Variants in GAS6 observed in about 807,000 individuals in gnomAD.
GAS6 encodes the protein growth arrest-specific protein 6.
A neutral mutation model predicts 75.8 loss-of-function variants in GAS6; 41 were observed. The observed-to-expected ratio is 0.54, with a 90% CI of 0.42 to 0.70. The LOEUF is 0.70. Among genes scored for constraint, GAS6 ranks in the 30% least tolerant of loss-of-function variants. The pLI, the probability that GAS6 is intolerant of heterozygous loss-of-function variation, is 0.00. For missense variants in GAS6, 854 were observed against 940.2 expected, an observed-to-expected ratio of 0.91 and a Z score of 1.20; for synonymous variants, 432 against 412.6, an observed-to-expected ratio of 1.05 and a Z score of -0.57.
At chr13:113,827,993 C>T (rs565313700) in intron 11 of GAS6, among the ~76,000 whole-genome samples, 47 of 152,300 alleles carry the variant, frequency 3.1e-4, no homozygotes, top group African/African-American at 8.7e-4. Flanking sequence ...AGAATAATTT[C>T]GGCCGGGCGC....
In GAS6 at chr13:113,827,007, C is replaced by T. The variant is rs147049116; in HGVS notation, c.1466G>A (p.Ser489Asn). 4.5e-5 allele frequency: 73 copies of T among 1,613,056 alleles called. No homozygotes were observed. In the African/African-American group the frequency reaches 9.2e-4, roughly 20 times the overall value. The part of the protein sequence containing the change: ...FYPGSGFAFY[S>N]LDYMRTPLDV... ...GAGCCAAGACTTACTGTAGTCCAGG[C>T]TGTAGAAGGCGAAGCCGCTCCCGGG... is the stretch of plus-strand genomic sequence containing the variant. Residue 489 changes from serine (S) to asparagine (N), a missense_variant, in exon 12 of 15, where the codon AGC becomes AAC. Ser to Asn is a conservative substitution (Grantham distance 46). Coordinates refer to ENST00000327773, the MANE Select transcript of GAS6 (RefSeq NM_000820.4).
chr13:113,856,929 T>A (rs1394265408), intron 2 of GAS6, among the ~76,000 whole-genome samples: 1 of 152,184 alleles, frequency 6.6e-6, no homozygotes, highest in Non-Finnish European at 1.5e-5. Flanking sequence ...TGGTCCTGGA[T>A]GGGAGCCAGT....
intron 8 of GAS6, chr13:113,833,225 G>T: frequency 9.2e-7 from 1 of 1,086,724 alleles, no homozygotes; most frequent in Non-Finnish European, 1.1e-6. Flanking sequence ...GAGGGGCTGG[G>T]GCTGAGCCAG....
At chr13:113,829,275 A>G (rs377073170) in intron 10 of GAS6, among the ~76,000 whole-genome samples, 92 of 127,058 alleles carry the variant, frequency 7.2e-4, no homozygotes, top group East Asian at 1.3e-3. Flanking sequence ...AGAGGGTCCC[A>G]ATCTCAGGGA....
At chr13:113,829,362 ACCTG>A (rs2051598194) in intron 10 of GAS6, among the ~76,000 whole-genome samples, 1 of 30,248 alleles carries the variant, frequency 3.3e-5, no homozygotes, top group African/African-American at 5.7e-4. Context: ...GCCAAGAGGG[ACCTG>A]ACCTCAGGGA....
intron 13 of GAS6, 32 bp downstream of exon 13, chr13:113,823,343 G>C (rs113146617): frequency 6.3e-7 from 1 of 1,586,734 alleles, no homozygotes; most frequent in African/African-American, 1.3e-5. Context: ...GGGTCGAGCC[G>C]GTCAGGACGC....
At chr13:113,832,869 A>G (rs767845698) in intron 8 of GAS6, 117 bp from the exon 9 acceptor site, 1 of 1,522,108 alleles carries the variant, frequency 6.6e-7, no homozygotes, top group South Asian at 1.2e-5. Context: ...GGGAGTGGCC[A>G]CCCCGCCTCT....
intron 13 of GAS6, chr13:113,822,558 G>A: frequency 1.5e-5 from 3 of 197,554 alleles, no homozygotes; most frequent in South Asian, 1.8e-4. Context: ...TGCGGTGGCG[G>A]CCTCCCAGCC....
rs889288862 is a variant in GAS6, at chr13:113,823,909, C to G, written c.1478-359G>C. ...CTCTTGTTTCAGGAGCGCCTGACAG[C>G]TCCTTCCTCAGAGCGTGCGTGGCCT... On this transcript the variant is annotated intron_variant, in intron 12 of 14. Coordinates refer to ENST00000327773, the MANE Select transcript of GAS6 (RefSeq NM_000820.4). Among the ~76,000 whole-genome samples the G allele has an allele frequency of 2.0e-5, 3 of 152,396 alleles. No individual in the cohort carries two copies. In the East Asian group the frequency reaches 5.8e-4, roughly 29 times the overall value.
chr13:113,857,457 A>G (rs1172732975), intron 2 of GAS6, among the ~76,000 whole-genome samples: 3 of 152,374 alleles, frequency 2.0e-5, no homozygotes, highest in Admixed American at 2.0e-4. Context: ...TATAAAAACC[A>G]TGGAAGAGTC....
intron 4 of GAS6, chr13:113,841,497 T>TCCGTCCGCC: frequency 6.6e-6 from 1 of 152,440 alleles, no homozygotes; most frequent in African/African-American, 2.5e-5. Context: ...CTCAATTTCC[T>TCCGTCCGCC]CCATACGCCC....
At chr13:113,859,184 TTGTG>T (rs1202094108) in intron 2 of GAS6, among the ~76,000 whole-genome samples, 4 of 141,074 alleles carry the variant, frequency 2.8e-5, no homozygotes, top group Admixed American at 7.0e-5. Flanking sequence ...GTATGTGCCT[TTGTG>T]TGTGCATGTC....
chr13:113,830,637 A>G (rs9577866), intron 10 of GAS6, among the ~76,000 whole-genome samples: 2,494 of 22,812 alleles, frequency 0.11, 45 homozygotes, highest in African/African-American at 0.26. Context: ...CCTCCTCCCC[A>G]TGGCTCCATC....
Position 113,832,325 on chromosome 13 carries a change from C to T in GAS6, c.1117G>A (p.Val373Ile). The T allele has an allele frequency of 2.5e-6, 4 of 1,600,788 alleles. No individual in the cohort carries two copies. The highest frequency in any genetic ancestry group is 3.4e-6 in the Non-Finnish European group (4 of 1,179,802). Residue 373 changes from valine to isoleucine, a missense_variant, in exon 10 of 15, where the codon GTC becomes ATC. Transcript: ENST00000327773. ...GVGRVTSSGP[V>I]INHGMWQTIS... is the part of the protein sequence containing the mutation. ...GTCTGCCACATGCCATGGTTGATGA[C>T]CGGGCCGCTGCTGGTGACACGGCCG...
intron 2 of GAS6, among the ~76,000 whole-genome samples, chr13:113,855,943 C>G (rs1306098084): frequency 6.6e-6 from 1 of 152,224 alleles, no homozygotes; most frequent in East Asian, 1.9e-4. Flanking sequence ...TTGGACTCCT[C>G]CAGTGGCCGG....
rs1347637918 is a variant in GAS6 at position 113,827,092 on chromosome 13, T to C, written c.1381A>G (p.Thr461Ala). The change falls in exon 12 of 15, where the codon ACG (threonine) becomes GCG (alanine). Residue 461 changes from threonine to alanine, a missense_variant. Coordinates refer to ENST00000327773, the MANE Select transcript of GAS6 (RefSeq NM_000820.4). Reference protein sequence around the residue: ...LNGEDTTIQETVKVNTRMQCF... With the variant: ...LNGEDTTIQEAVKVNTRMQCF... ...TGCATCCTCGTGTTCACTTTCACCGTTTCCTGGATGGTGGTGTCTTCTCCG... is the reference window on the plus strand; with the variant it reads ...TGCATCCTCGTGTTCACTTTCACCGCTTCCTGGATGGTGGTGTCTTCTCCG... The C allele has an allele frequency of 6.2e-7, 1 of 1,613,496 alleles. No homozygotes were observed. Among genetic ancestry groups the C allele is most frequent in the Non-Finnish European group, 8.5e-7 (1 of 1,179,934 alleles).
chr13:113,862,722 C>G (rs908099224), intron 2 of GAS6, among the ~76,000 whole-genome samples: 18 of 152,176 alleles, frequency 1.2e-4, no homozygotes, highest in Admixed American at 7.2e-4. Context: ...CATGGTTCAT[C>G]CAGAACCACT....
chr13:113,838,540 C>T (rs1454827032), intron 5 of GAS6, among the ~76,000 whole-genome samples: 7 of 128,036 alleles, frequency 5.5e-5, no homozygotes, highest in Admixed American at 2.3e-4. Flanking sequence ...GGAGGGAGCC[C>T]GGGGGTGCAC....
At position 113,844,484 on chromosome 13, in the gene GAS6, G is replaced by A. The variant is rs2051817073; in HGVS notation, c.343+2043C>T. Reference sequence around the variant, plus strand: ...GCACGGGACGCACAGGAAGAAAAGTGCTCCAAGGGACGGACAGGACGGTGC... The same window carrying A: ...GCACGGGACGCACAGGAAGAAAAGTACTCCAAGGGACGGACAGGACGGTGC... On this transcript the variant is annotated intron_variant, in intron 4 of 14. Transcript: ENST00000327773. The surrounding 1 kb of genome is among the most constrained non-coding windows in gnomAD (Gnocchi z 5.7). 6.6e-6 allele frequency: 1 copy of A among 150,610 alleles called. No homozygotes were observed. Among genetic ancestry groups the A allele is most frequent in the African/African-American group, 2.5e-5 (1 of 39,998 alleles). The allele number at this position is 150,610 out of a possible 1,614,324, so 9.3% of individuals were successfully genotyped here. A position where few individuals can be genotyped will look rare whatever the true frequency, so the allele number is the denominator to read the frequency against.
Sources: gnomAD v4.1 joint callset for allele counts (sites outside exome capture counted in the v4.1 genomes callset) on GRCh38, gnomAD v4.1.1 for gene constraint, Gnocchi (gnomAD v3.1) non-coding constraint, MANE v1.5 for transcripts, NCBI Gene and HGNC (gene_info 2026-07-23, HGNC 2026-07-21) for gene names.